MRPS35: variants seen among roughly 807,000 people sequenced by gnomAD.
MRPS35 encodes the protein small ribosomal subunit protein mS35.
Under a neutral mutation model 32.7 loss-of-function variants are expected in MRPS35, and 29 were observed. The ratio of observed to expected loss-of-function variants is 0.89; its 90% CI spans 0.66 to 1.21. The LOEUF (loss-of-function observed/expected upper bound fraction) is 1.21. Ranked by LOEUF, MRPS35 falls within the 50% of genes most tolerant of loss-of-function variation. MRPS35 has a pLI of 0.00. For synonymous variants in MRPS35, 148 were observed against 139.3 expected, an observed-to-expected ratio of 1.06 and a Z score of -0.44; for missense variants, 373 against 383.8, an observed-to-expected ratio of 0.97 and a Z score of 0.23.
At chr12:27,751,881 T>C (rs2062005781) in intron 7 of MRPS35, among the ~76,000 whole-genome samples, 1 of 152,314 alleles carries the variant, frequency 6.6e-6, no homozygotes, top group East Asian at 1.9e-4. Context: ...CGCTGAGTCA[T>C]GCAGGCCTGG....
At chr12:27,722,781 G>A (rs145065550) in intron 4 of MRPS35, among the ~76,000 whole-genome samples, 125 of 152,296 alleles carry the variant, frequency 8.2e-4, no homozygotes, top group Non-Finnish European at 1.6e-3. Context: ...TTCAAGGAAT[G>A]GAGTGAACTA....
At chr12:27,739,027 G>C (rs1456804828) in intron 7 of MRPS35, among the ~76,000 whole-genome samples, 1 of 151,844 alleles carries the variant, frequency 6.6e-6, no homozygotes, top group Non-Finnish European at 1.5e-5. Flanking sequence ...TTCCCGAGTA[G>C]CCAGGATTAC....
intron 7 of MRPS35, among the ~76,000 whole-genome samples, chr12:27,751,592 G>A (rs548429911): frequency 1.6e-4 from 24 of 152,256 alleles, no homozygotes; most frequent in African/African-American, 5.5e-4. Context: ...GCTCTCCCCT[G>A]CCTTCAGGGT....
chr12:27,749,564 G>A (rs2061993930), intron 7 of MRPS35, among the ~76,000 whole-genome samples: 1 of 152,038 alleles, frequency 6.6e-6, no homozygotes. Context: ...ATTTACCTTC[G>A]AAGTTTTAGT....
chr12:27,728,851 A>T (rs1565467093), intron 5 of MRPS35, among the ~76,000 whole-genome samples: 1 of 152,062 alleles, frequency 6.6e-6, no homozygotes, highest in Non-Finnish European at 1.5e-5. Context: ...CATAACCTGG[A>T]AGTTAGATTT....
At chr12:27,752,442 T>A (rs1001526468) in intron 7 of MRPS35, among the ~76,000 whole-genome samples, 1 of 152,236 alleles carries the variant, frequency 6.6e-6, no homozygotes, top group Non-Finnish European at 1.5e-5. Flanking sequence ...TTGAAGCCGT[T>A]AAGAAAATTC....
chr12:27,724,151 G>C lies in MRPS35; in HGVS notation c.487G>C (p.Val163Leu). Residue 163 changes from valine to leucine, a missense_variant, in exon 5 of 8, where the codon GTT (valine) becomes CTT (leucine). Transcript: ENST00000081029. ...TGATTATGTTTCATCAGGACCATCTGTTCGGAACCCCAGAGCACGAGTAGT... is the reference window on the plus strand; with the variant it reads ...TGATTATGTTTCATCAGGACCATCTCTTCGGAACCCCAGAGCACGAGTAGT... ...STDYVSSGPS[V>L]RNPRARVVVL... The C allele has an allele frequency of 6.2e-7, 1 of 1,604,222 alleles. No individual in the cohort carries two copies. The highest frequency in any genetic ancestry group is 8.5e-7 in the Non-Finnish European group (1 of 1,176,764).
At chr12:27,718,295 C>T (rs778145049) in intron 3 of MRPS35, among the ~76,000 whole-genome samples, 29 of 152,108 alleles carry the variant, frequency 1.9e-4, no homozygotes, top group Non-Finnish European at 4.0e-4. Context: ...AGTGTAGTGG[C>T]GCATGCCTGT....
intron 7 of MRPS35, among the ~76,000 whole-genome samples, chr12:27,748,935 C>T (rs2061990476): frequency 6.6e-6 from 1 of 152,156 alleles, no homozygotes; most frequent in Admixed American, 6.5e-5. Flanking sequence ...GGGAGAATCA[C>T]TTGAGCCCAG....
At chr12:27,746,034 A>T (rs1043658030) in intron 7 of MRPS35, among the ~76,000 whole-genome samples, 1 of 152,202 alleles carries the variant, frequency 6.6e-6, no homozygotes, top group Non-Finnish European at 1.5e-5. Context: ...ATATGTGTGC[A>T]TGTGTCTTTA....
chr12:27,739,358 G>A (rs562434098), intron 7 of MRPS35, among the ~76,000 whole-genome samples: 7 of 152,188 alleles, frequency 4.6e-5, no homozygotes, highest in African/African-American at 1.2e-4. Flanking sequence ...CCTCCTTTCA[G>A]CCCAAGTTAC....
At chr12:27,754,688 G>T (rs775699300) in intron 7 of MRPS35, among the ~76,000 whole-genome samples, 12 of 149,214 alleles carry the variant, frequency 8.0e-5, no homozygotes, top group Non-Finnish European at 1.6e-4. Flanking sequence ...AATCACCTGA[G>T]ACTGCAAGGT....
At chr12:27,717,218 A>T (rs1047236422) in intron 3 of MRPS35, among the ~76,000 whole-genome samples, 6 of 152,188 alleles carry the variant, frequency 3.9e-5, no homozygotes, top group African/African-American at 1.4e-4. Context: ...TTCCAGTGGA[A>T]TTAAGAAAAA....
rs1439905565 is a variant in MRPS35 at position 27,719,667 on chromosome 12, T to C, written c.322-141T>C. On this transcript the variant is annotated intron_variant, in intron 3 of 7. Coordinates refer to ENST00000081029, the MANE Select transcript of MRPS35 (RefSeq NM_021821.4). Reference sequence around the variant, plus strand: ...CGGCCTGGGCGACAGAGCGAGACTCTGTCTCAAAAAAAAAAAAAAACAAAC... The same window carrying C: ...CGGCCTGGGCGACAGAGCGAGACTCCGTCTCAAAAAAAAAAAAAAACAAAC... The C allele has an allele frequency of 1.1e-5, 6 of 556,006 alleles. No individual in the cohort carries two copies. In the East Asian group the frequency reaches 2.0e-4, roughly 19 times the overall value. The allele number at this position is 556,006 out of a possible 1,614,324, so 34.4% of individuals were successfully genotyped here.
At position 27,712,414 on chromosome 12, in the gene MRPS35, G is replaced by C. The variant is rs560063879; in HGVS notation, c.112+1459G>C. Among the ~76,000 whole-genome samples, 3 of 152,318 alleles carry C rather than the reference G, an allele frequency of 2.0e-5. No individual in the cohort carries two copies. In the East Asian group the frequency reaches 5.8e-4, roughly 29 times the overall value. ...TTGGAACAGGGAACTGATATAATGT[G>C]ATTTACGTTTTTAAAAGATCACTGG... On this transcript the variant is annotated intron_variant, in intron 1 of 7. Transcript: ENST00000081029.
intron 7 of MRPS35, among the ~76,000 whole-genome samples, chr12:27,744,555 A>G (rs2061975568): frequency 6.6e-6 from 1 of 152,220 alleles, no homozygotes; most frequent in Non-Finnish European, 1.5e-5. Flanking sequence ...ACAGTTGACA[A>G]TGTTAATAGA....
intron 7 of MRPS35, among the ~76,000 whole-genome samples, chr12:27,744,138 T>C (rs2061973623): frequency 6.6e-6 from 1 of 152,244 alleles, no homozygotes; most frequent in Non-Finnish European, 1.5e-5. Context: ...TCTATGCTGG[T>C]CACTAGAACA....
intron 4 of MRPS35, among the ~76,000 whole-genome samples, chr12:27,722,213 C>T (rs1048628509): frequency 3.5e-5 from 5 of 144,444 alleles, no homozygotes; most frequent in Admixed American, 3.5e-4. Flanking sequence ...TTTTCAAGTA[C>T]TTCTTCTCAG....
chr12:27,719,095 G>C (rs2061862442), intron 3 of MRPS35, among the ~76,000 whole-genome samples: 1 of 151,548 alleles, frequency 6.6e-6, no homozygotes, highest in South Asian at 2.1e-4. Flanking sequence ...TCAGAAAAAA[G>C]AAAAAAACAA....
Sources: gnomAD v4.1 joint callset for allele counts (sites outside exome capture counted in the v4.1 genomes callset) on GRCh38, gnomAD v4.1.1 for gene constraint, MANE v1.5 for transcripts, NCBI Gene and HGNC (gene_info 2026-07-23, HGNC 2026-07-21) for gene names.